Variants in BBS9 observed in about 807,000 individuals in gnomAD.
BBS9 encodes protein PTHB1.
Under a neutral mutation model 117.7 loss-of-function variants are expected in BBS9, and 89 were observed. The observed-to-expected ratio is 0.76, with a 90% CI of 0.64 to 0.90. The LOEUF (loss-of-function observed/expected upper bound fraction) is 0.90, where lower values mean the gene tolerates loss of function less well. BBS9 is among the 40% of genes least tolerant of loss of function. The pLI, the probability that BBS9 is intolerant of heterozygous loss-of-function variation, is 0.00. For missense variants in BBS9, 982 were observed against 1,042.2 expected (o/e 0.94, Z 0.80); for synonymous variants, 379 against 370.9 (o/e 1.02, Z -0.25).
chr7:33,160,865 A>C (rs994582086), intron 4 of BBS9, among the ~76,000 whole-genome samples: 1 of 152,176 alleles, frequency 6.6e-6, no homozygotes, highest in Non-Finnish European at 1.5e-5. Flanking sequence ...AGCTTTCTTC[A>C]CCAGGTGGAA....
chr7:33,485,284 T>G (rs1842947990), intron 19 of BBS9, among the ~76,000 whole-genome samples: 1 of 151,604 alleles, frequency 6.6e-6, no homozygotes, highest in Non-Finnish European at 1.5e-5. Context: ...ATCCCATGCA[T>G]GTACCCTGGA....
At chr7:33,574,547 C>G (rs1025856665) in intron 21 of BBS9, among the ~76,000 whole-genome samples, 1 of 152,060 alleles carries the variant, frequency 6.6e-6, no homozygotes, top group Admixed American at 6.6e-5. Flanking sequence ...AAGAATATGT[C>G]TCCCTGATGT....
chr7:33,461,049 T>C (rs1452687612), intron 19 of BBS9, among the ~76,000 whole-genome samples: 1 of 152,102 alleles, frequency 6.6e-6, no homozygotes, highest in Non-Finnish European at 1.5e-5. Flanking sequence ...ATCCACTTTG[T>C]AGCATGTAGC....
chr7:33,366,151 C>T (rs1040263432), intron 16 of BBS9, among the ~76,000 whole-genome samples: 7 of 152,090 alleles, frequency 4.6e-5, no homozygotes, highest in African/African-American at 1.7e-4. Context: ...TGGAGCCATG[C>T]CTTCCTCTCT....
At chr7:33,475,914 C>G (rs1218636843) in intron 19 of BBS9, among the ~76,000 whole-genome samples, 2 of 152,164 alleles carry the variant, frequency 1.3e-5, no homozygotes, top group Non-Finnish European at 2.9e-5. Flanking sequence ...AGAATACCCA[C>G]CTGCTAACAT....
intron 9 of BBS9, among the ~76,000 whole-genome samples, chr7:33,300,120 G>A (rs1221572185): frequency 6.6e-6 from 1 of 152,196 alleles, no homozygotes; most frequent in Non-Finnish European, 1.5e-5. Flanking sequence ...GAGTAGTGTA[G>A]CTATAAGAGA....
At chr7:33,408,435 C>T (rs966268500) in intron 19 of BBS9, among the ~76,000 whole-genome samples, 7 of 151,954 alleles carry the variant, frequency 4.6e-5, no homozygotes, top group Admixed American at 4.6e-4. Context: ...GCACGGTGTG[C>T]TGCACCCACT....
At chr7:33,554,199 A>C (rs1398613742) in intron 21 of BBS9, among the ~76,000 whole-genome samples, 1 of 152,178 alleles carries the variant, frequency 6.6e-6, no homozygotes, top group African/African-American at 2.4e-5. Flanking sequence ...TAAGGAATTT[A>C]GATGATAGTG....
chr7:33,386,649 C>G (rs1826078672), intron 18 of BBS9, among the ~76,000 whole-genome samples: 1 of 151,882 alleles, frequency 6.6e-6, no homozygotes, highest in South Asian at 2.1e-4. Flanking sequence ...CACCACCACG[C>G]CCAGCTAATT....
At chr7:33,494,815 A>G (rs1025399592) in intron 19 of BBS9, among the ~76,000 whole-genome samples, 8 of 152,248 alleles carry the variant, frequency 5.3e-5, no homozygotes, top group African/African-American at 1.9e-4. Flanking sequence ...GAAATCATGC[A>G]TAACATATCT....
chr7:33,413,807 A>C (rs1310349856), intron 19 of BBS9, among the ~76,000 whole-genome samples: 1 of 152,176 alleles, frequency 6.6e-6, no homozygotes, highest in Non-Finnish European at 1.5e-5. Flanking sequence ...AGATCACCTG[A>C]GGTCAGGAGT....
intron 19 of BBS9, among the ~76,000 whole-genome samples, chr7:33,401,635 G>A (rs1429006183): frequency 6.6e-6 from 1 of 152,192 alleles, no homozygotes; most frequent in Admixed American, 6.5e-5. Context: ...TTAAATTGCT[G>A]TCTAAAGACC....
At chr7:33,482,350 T>A (rs144970356) in intron 19 of BBS9, among the ~76,000 whole-genome samples, 1 of 152,262 alleles carries the variant, frequency 6.6e-6, no homozygotes, top group African/African-American at 2.4e-5. Flanking sequence ...TATCCCACTG[T>A]GATTGGTTCT....
At chr7:33,482,904 G>A (rs1842675027) in intron 19 of BBS9, among the ~76,000 whole-genome samples, 1 of 152,072 alleles carries the variant, frequency 6.6e-6, no homozygotes, top group South Asian at 2.1e-4. Context: ...TACTATGAAT[G>A]GGAATCATTT....
intron 4 of BBS9, among the ~76,000 whole-genome samples, chr7:33,170,190 G>A (rs1318237126): frequency 6.6e-6 from 1 of 151,316 alleles, no homozygotes; most frequent in Non-Finnish European, 1.5e-5. Flanking sequence ...GAACATTGAT[G>A]CAAAAATCCT....
At chr7:33,526,376 T>C (rs1274154502) in intron 20 of BBS9, among the ~76,000 whole-genome samples, 1 of 152,236 alleles carries the variant, frequency 6.6e-6, no homozygotes, top group African/African-American at 2.4e-5. Flanking sequence ...CCCATCACTT[T>C]CAGATACACC....
intron 20 of BBS9, among the ~76,000 whole-genome samples, chr7:33,513,298 A>G (rs754914516): frequency 1.3e-5 from 2 of 152,072 alleles, no homozygotes; most frequent in Non-Finnish European, 2.9e-5. Context: ...CTCCCTCTTT[A>G]TTCTGGCTTC....
At chr7:33,432,246 C>CTA (rs1211971648) in intron 19 of BBS9, among the ~76,000 whole-genome samples, 1 of 150,738 alleles carries the variant, frequency 6.6e-6, no homozygotes, top group Non-Finnish European at 1.5e-5. Flanking sequence ...GTAGCTGGGA[C>CTA]TACAGGTGCC....
intron 20 of BBS9, among the ~76,000 whole-genome samples, chr7:33,532,118 G>C (rs1422566072): frequency 6.6e-6 from 1 of 152,226 alleles, no homozygotes; most frequent in African/African-American, 2.4e-5. Flanking sequence ...AAGTCTCAGA[G>C]CCCCAAAGAG....
Sources: allele counts gnomAD v4.1 joint callset (sites outside exome capture counted in the v4.1 genomes callset), GRCh38; gene constraint gnomAD v4.1.1; transcripts MANE v1.5; gene names NCBI Gene and HGNC (gene_info 2026-07-23, HGNC 2026-07-21).